RAB34: variants seen among roughly 807,000 people sequenced by gnomAD.
The protein encoded by RAB34 is ras-related protein Rab-34.
Under a neutral mutation model 39.0 loss-of-function variants are expected in RAB34, and 33 were observed. The observed-to-expected ratio is 0.85, with a 90% CI of 0.64 to 1.13. The LOEUF is 1.13. Ranked by LOEUF, RAB34 falls within the 50% of genes most tolerant of loss-of-function variation. The probability of loss-of-function intolerance (pLI) is 0.00; values close to 1 mark genes in which losing one functional copy is unlikely to be tolerated. For synonymous variants in RAB34, 135 were observed against 125.1 expected (o/e 1.08, Z -0.53); for missense variants, 289 against 326.1 (o/e 0.89, Z 0.88).
upstream of RAB34, chr17:28,718,112 G>T: frequency 6.2e-7 from 1 of 1,607,156 alleles, no homozygotes; most frequent in South Asian, 1.1e-5. Flanking sequence ...GCCTTCATGG[G>T]GACCCTTACC....
chr17:28,717,599 A>G lies in RAB34; in HGVS notation c.-333T>C, dbSNP rs556204424. 7.8e-5 allele frequency: 110 copies of G among 1,401,714 alleles called. No homozygotes were observed. In the African/African-American group the frequency reaches 1.6e-3, roughly 20 times the overall value. 86.8% of individuals were successfully genotyped at this position (1,401,714 alleles called of 1,614,324 possible). ...GGGCCGGGCCCGCGCAGACCCTACG[A>G]TTACGCGGGGCCGGATAGTTCCTAC... On this transcript the variant is annotated 5_prime_UTR_variant, in exon 1 of 10. Transcript: ENST00000395245.
chr17:28,716,928 G>A lies in RAB34; in HGVS notation c.121C>T (p.Gln41Ter), dbSNP rs1375687733. ...CCCACGGTGCCTGTCCGGTGCTCCTGGCAGGCGCAGGTGACGCGGGGGTGG... is the reference window on the plus strand; with the variant it reads ...CCCACGGTGCCTGTCCGGTGCTCCTAGCAGGCGCAGGTGACGCGGGGGTGG... ...DFHPRVTCACQEHRTGTVGFK... is the reference protein window; with the variant it reads ...DFHPRVTCAC Residue 41 changes from glutamine (Q) to a stop codon, truncating the protein, a stop_gained, in exon 2 of 10, where the codon CAG becomes TAG. Transcript: ENST00000395245. LOFTEE classifies it high-confidence loss of function. 1.2e-6 allele frequency: 2 copies of A among 1,613,416 alleles called. No homozygotes were observed. The highest frequency in any genetic ancestry group is 2.2e-5 in the East Asian group (1 of 44,884).
At position 28,717,470 on chromosome 17, in the gene RAB34, C is replaced by T; in HGVS notation, c.-204G>A. On this transcript the variant is annotated 5_prime_UTR_variant, in exon 1 of 10. Transcript: ENST00000395245. ...CGGAGATGAAACAATCACCCGGGGCCGCGGCGAGCCCAAAATCACCCGGGC... is the reference window on the plus strand; with the variant it reads ...CGGAGATGAAACAATCACCCGGGGCTGCGGCGAGCCCAAAATCACCCGGGC... 1 of 1,444,896 alleles carries T rather than the reference C, an allele frequency of 6.9e-7. No homozygotes were observed. Among genetic ancestry groups the T allele is most frequent in the Non-Finnish European group, 9.1e-7 (1 of 1,100,348 alleles). The allele number at this position is 1,444,896 out of a possible 1,614,324, so 89.5% of individuals were successfully genotyped here. A position where few individuals can be genotyped will look rare whatever the true frequency, so the allele number is the denominator to read the frequency against.
Position 28,714,391 on chromosome 17 carries a change from C to T in RAB34, c.*252G>A, listed in dbSNP as rs2032978287. The T allele has an allele frequency of 4.6e-6, 3 of 645,954 alleles. No homozygotes were observed. Among genetic ancestry groups the T allele is most frequent in the Non-Finnish European group, 8.1e-6 (3 of 369,352 alleles). The allele number at this position is 645,954 out of a possible 1,614,324, so 40.0% of individuals were successfully genotyped here. A position where few individuals can be genotyped will look rare whatever the true frequency, so the allele number is the denominator to read the frequency against. On this transcript the variant is annotated 3_prime_UTR_variant, in exon 10 of 10. Coordinates refer to ENST00000395245, the MANE Select transcript of RAB34 (RefSeq NM_031934.6). ...CAGGCTGAGCAAAAGAACAGAGACACTCTCCCTCACTACCACTGGGCGCCC... is the reference window on the plus strand; with the variant it reads ...CAGGCTGAGCAAAAGAACAGAGACATTCTCCCTCACTACCACTGGGCGCCC...
Position 28,715,069 on chromosome 17 carries a change from C to T in RAB34, c.567G>A (p.Glu189=). The T allele has an allele frequency of 6.2e-7, 1 of 1,614,162 alleles. No homozygotes were observed. The highest frequency in any genetic ancestry group is 8.5e-7 in the Non-Finnish European group (1 of 1,180,046). ...MEKDALQVAQ[E]MKAEYWAVSS... is the part of the protein sequence containing the mutation. ...AGACTGCCCAGTACTCAGCCTTCAT[C>T]TCCTGGGCCACCTGGAGGGCGTCTT... Residue 189 remains glutamate (E), a synonymous_variant, in exon 8 of 10, where the codon GAG becomes GAA. Coordinates refer to ENST00000395245, the MANE Select transcript of RAB34 (RefSeq NM_031934.6).
rs758002535 is a variant in RAB34 at position 28,716,908 on chromosome 17, G to C, written c.141C>G (p.Thr47=). 6.2e-6 allele frequency: 10 copies of C among 1,612,146 alleles called. No homozygotes were observed. The Admixed American group carries it at 1.3e-4, about 22-fold the overall frequency. ...TCACQEHRTG[T]VGFKISKVIV... ...TGTGGGTGTCCCTAACTCACCCCAC[G>C]GTGCCTGTCCGGTGCTCCTGGCAGG... The change falls in exon 2 of 10, where the codon ACC becomes ACG. Residue 47 remains threonine (T), a synonymous_variant. Coordinates refer to ENST00000395245, the MANE Select transcript of RAB34 (RefSeq NM_031934.6).
chr17:28,718,099 T>C (rs757351563), upstream of RAB34: 1 of 1,603,648 alleles, frequency 6.2e-7, no homozygotes, highest in South Asian at 1.1e-5. Context: ...TATACCCGGC[T>C]GCGCCTTCAT....
chr17:28,714,839 C>A lies in RAB34; in HGVS notation c.666G>T (p.Leu222=). 6.2e-7 allele frequency: 1 copy of A among 1,614,144 alleles called. No homozygotes were observed. Among genetic ancestry groups the A allele is most frequent in the Non-Finnish European group, 8.5e-7 (1 of 1,180,046 alleles). The change falls in exon 9 of 10, where the codon CTG becomes CTT. Residue 222 remains leucine (L), a synonymous_variant. Transcript: ENST00000395245. ...GAGCCCCCGATTTCTCCAGCTCAGC[C>A]AGCACATTGGCCTCAAAGGTCAGTG... ...VAALTFEANV[L]AELEKSGARR...
At chr17:28,718,285 G>A (rs1370645040), upstream of RAB34, 3 of 1,531,658 alleles carry the variant, frequency 2.0e-6, no homozygotes, top group Non-Finnish European at 2.6e-6. Context: ...GCCCCCTCTC[G>A]CCCTTCTGCC....
intron 2 of RAB34, 37 bp downstream of exon 2, chr17:28,716,866 G>C (rs369458576): frequency 3.6e-5 from 57 of 1,594,614 alleles, no homozygotes; most frequent in Non-Finnish European, 4.9e-5. Context: ...GAGTTTCCTG[G>C]GACCTCCTCT....
chr17:28,714,607 T>C lies in RAB34; in HGVS notation c.*36A>G, dbSNP rs756115440. The C allele has an allele frequency of 2.5e-6, 4 of 1,613,982 alleles. No homozygotes were observed. The South Asian group carries it at 4.4e-5, about 18-fold the overall frequency. The stretch of plus-strand genomic sequence containing the variant: ...GAGGAATGAGGGTGGCACAGTGCCC[T>C]AGGGCTGGGCAGTCTCTGAACAGTC... On this transcript the variant is annotated 3_prime_UTR_variant, in exon 10 of 10. Coordinates refer to ENST00000395245, the MANE Select transcript of RAB34 (RefSeq NM_031934.6).
Position 28,714,801 on chromosome 17 carries a change from T to C in RAB34, c.704A>G (p.Asp235Gly). 1 of 1,613,968 alleles carries C rather than the reference T, an allele frequency of 6.2e-7. No individual in the cohort carries two copies. The highest frequency in any genetic ancestry group is 1.1e-5 in the South Asian group (1 of 91,074). ...ACCAGGCAAGCACTCACGGACAACA[T>C]CCCCAATGCGTCGAGCCCCCGATTT... ...LEKSGARRIG[D>G]VVRINSDDSN... The change falls in exon 9 of 10, where the codon GAT becomes GGT. Residue 235 changes from aspartate (D) to glycine (G), a missense_variant. Asp to Gly is a moderately conservative substitution (Grantham distance 94). Coordinates refer to ENST00000395245, the MANE Select transcript of RAB34 (RefSeq NM_031934.6).
intron 8 of RAB34, 43 bp downstream of exon 8, chr17:28,714,989 C>A: frequency 1.2e-6 from 2 of 1,604,294 alleles, no homozygotes; most frequent in Non-Finnish European, 1.7e-6. Context: ...AGAGGAGAGC[C>A]AGGCAAGAGT....
At chr17:28,717,154 C>T (rs2033606463) in intron 1 of RAB34, 59 bp downstream of exon 1, 1 of 1,548,880 alleles carries the variant, frequency 6.5e-7, no homozygotes, top group Non-Finnish European at 8.7e-7. Context: ...CTGGTGCCGC[C>T]TCCTCCTCGC....
At chr17:28,718,011 C>A (rs2151715603), upstream of RAB34, 2 of 1,217,570 alleles carry the variant, frequency 1.6e-6, no homozygotes, top group South Asian at 1.7e-5. Context: ...TGACGCTTCA[C>A]CGGGCACCAG....
rs374517328 is a variant in RAB34 at position 28,714,635 on chromosome 17, C to T, written c.*8G>A. ...GGCTGGGCAGTCTCTGAACAGTCTCCTCAGCCCTCATGGGCAACATGTGGG... is the reference window on the plus strand; with the variant it reads ...GGCTGGGCAGTCTCTGAACAGTCTCTTCAGCCCTCATGGGCAACATGTGGG... On this transcript the variant is annotated 3_prime_UTR_variant, in exon 10 of 10. Coordinates refer to ENST00000395245, the MANE Select transcript of RAB34 (RefSeq NM_031934.6). 6.2e-7 allele frequency: 1 copy of T among 1,614,036 alleles called. No homozygotes were observed. Among genetic ancestry groups the T allele is most frequent in the African/African-American group, 1.3e-5 (1 of 74,938 alleles).
chr17:28,714,583 A>T lies in RAB34; in HGVS notation c.*60T>A. 6.2e-7 allele frequency: 1 copy of T among 1,613,528 alleles called. No homozygotes were observed. Among genetic ancestry groups the T allele is most frequent in the Non-Finnish European group, 8.5e-7 (1 of 1,180,022 alleles). On this transcript the variant is annotated 3_prime_UTR_variant, in exon 10 of 10. Coordinates refer to ENST00000395245, the MANE Select transcript of RAB34 (RefSeq NM_031934.6). ...CAAATGTCCAGGGGTCAAGCTCTGG[A>T]GGAATGAGGGTGGCACAGTGCCCTA...
chr17:28,716,175 A>G, intron 2 of RAB34, 117 bp from the exon 3 acceptor site: 2 of 1,437,000 alleles, frequency 1.4e-6, no homozygotes, highest in Middle Eastern at 2.5e-4. Flanking sequence ...GGTATTATAG[A>G]CACCAGGCAT....
chr17:28,715,002 C>T, intron 8 of RAB34, 30 bp downstream of exon 8: 1 of 1,608,796 alleles, frequency 6.2e-7, no homozygotes, highest in Non-Finnish European at 8.5e-7. Flanking sequence ...GCAAGAGTGT[C>T]ACAGCAGAGC....
Sources: allele counts gnomAD v4.1 joint callset, GRCh38; gene constraint gnomAD v4.1.1; transcripts MANE v1.5; gene names NCBI Gene and HGNC (gene_info 2026-07-23, HGNC 2026-07-21).